GRM7: variants seen among roughly 807,000 people sequenced by gnomAD.
GRM7 encodes glutamate metabotropic receptor 7, also known as metabotropic glutamate receptor 7.
In GRM7, 35 loss-of-function variants were observed where a neutral mutation model predicts 84.5. That is an observed-to-expected ratio of 0.41 (90% CI 0.32 to 0.55). The LOEUF (loss-of-function observed/expected upper bound fraction) is 0.55. Ranked by LOEUF, GRM7 falls within the 20% of genes least tolerant of loss-of-function variation. The probability of loss-of-function intolerance (pLI) is 0.19; values close to 1 mark genes in which losing one functional copy is unlikely to be tolerated. For missense variants in GRM7, 1,003 were observed against 1,194.6 expected (o/e 0.84, Z 2.36); for synonymous variants, 487 against 455.1 (o/e 1.07, Z -0.89).
At chr3:7,229,756 TATA>T (rs1368435742) in intron 2 of GRM7, among the ~76,000 whole-genome samples, 40 of 33,284 alleles carry the variant, frequency 1.2e-3, no homozygotes, top group Admixed American at 2.3e-3. Flanking sequence ...TATATATATA[TATA>T]TTTTTTTTTT....
intron 2 of GRM7, among the ~76,000 whole-genome samples, chr3:7,279,016 T>C (rs569514491): frequency 6.6e-6 from 1 of 152,314 alleles, no homozygotes; most frequent in South Asian, 2.1e-4. Context: ...CTTGAGAATT[T>C]ATGACTCTAA....
intron 5 of GRM7, among the ~76,000 whole-genome samples, chr3:7,434,846 A>G (rs1329559752): frequency 2.0e-5 from 3 of 152,190 alleles, no homozygotes; most frequent in Non-Finnish European, 4.4e-5. Flanking sequence ...CTACTCTCTG[A>G]AAGAGTTCAT....
chr3:7,027,488 T>G (rs1420402628), intron 1 of GRM7, among the ~76,000 whole-genome samples: 1 of 152,226 alleles, frequency 6.6e-6, no homozygotes, highest in African/African-American at 2.4e-5. Flanking sequence ...CTTACTCATT[T>G]ATGTCATTTC....
At chr3:7,499,015 T>C (rs930756660) in intron 7 of GRM7, among the ~76,000 whole-genome samples, 1 of 152,030 alleles carries the variant, frequency 6.6e-6, no homozygotes, top group Non-Finnish European at 1.5e-5. Flanking sequence ...AATTTGGGAG[T>C]TGACTAGGCT....
chr3:6,882,441 G>C (rs1041538384), intron 1 of GRM7, among the ~76,000 whole-genome samples: 1 of 152,138 alleles, frequency 6.6e-6, no homozygotes, highest in African/African-American at 2.4e-5. Context: ...AGCTACTCCA[G>C]AGCCTAAGGC....
intron 8 of GRM7, among the ~76,000 whole-genome samples, chr3:7,639,883 T>G (rs1698283229): frequency 6.6e-6 from 1 of 152,164 alleles, no homozygotes; most frequent in Non-Finnish European, 1.5e-5. Context: ...CAGATAACCA[T>G]TATTCCGATT....
chr3:6,971,590 T>A lies in GRM7; in HGVS notation c.519+109683T>A, dbSNP rs192759037. On this transcript the variant is annotated intron_variant, in intron 1 of 9. Transcript: ENST00000357716. ...AAAGGTGTTCTTTATAGTAAAAGAG[T>A]GTAATATAGCATCATGCATTGCTAA... 3.5e-3 allele frequency among the ~76,000 whole-genome samples: 536 copies of A among 152,304 alleles called. 1 individual carries two copies. Among genetic ancestry groups the A allele is most frequent in the African/African-American group, 0.012 (491 of 41,570 alleles).
At chr3:7,681,465 CTATT>C (rs1700363966) in intron 9 of GRM7, 1 of 152,204 alleles carries the variant, frequency 6.6e-6, no homozygotes, top group Non-Finnish European at 1.5e-5. Flanking sequence ...TGGCCTGTCT[CTATT>C]TATGAATAGT....
chr3:7,001,488 T>C (rs182321614), intron 1 of GRM7, among the ~76,000 whole-genome samples: 1 of 152,354 alleles, frequency 6.6e-6, no homozygotes, highest in Admixed American at 6.5e-5. Context: ...TATTTGTAGA[T>C]CTGTTAAAAC....
At chr3:6,991,463 T>C (rs1436157395) in intron 1 of GRM7, among the ~76,000 whole-genome samples, 3 of 151,954 alleles carry the variant, frequency 2.0e-5, no homozygotes, top group Admixed American at 2.0e-4. Flanking sequence ...GAACATAAGA[T>C]TGTAGAGAGG....
At chr3:7,206,890 T>C (rs979295761) in intron 2 of GRM7, among the ~76,000 whole-genome samples, 9 of 152,102 alleles carry the variant, frequency 5.9e-5, no homozygotes, top group Admixed American at 5.9e-4. Flanking sequence ...CCCCCAGGTG[T>C]TGGGGGATGC....
At chr3:6,986,558 T>A (rs2124844903) in intron 1 of GRM7, among the ~76,000 whole-genome samples, 2 of 152,330 alleles carry the variant, frequency 1.3e-5, no homozygotes, top group East Asian at 3.9e-4. Context: ...GTCTTCTGCC[T>A]CACACCCTCA....
Position 6,957,380 on chromosome 3 carries a change from T to G in GRM7, c.519+95473T>G, listed in dbSNP as rs1693102091. Reference sequence around the variant, plus strand: ...GAAGCCCCGGTGTGATGTGTGGCATTGCTTCATTCCAGAACGAGTGTTCCC... The same window carrying G: ...GAAGCCCCGGTGTGATGTGTGGCATGGCTTCATTCCAGAACGAGTGTTCCC... On this transcript the variant is annotated intron_variant, in intron 1 of 9. Coordinates refer to ENST00000357716, the MANE Select transcript of GRM7 (RefSeq NM_000844.4). Among the ~76,000 whole-genome samples, 3 of 152,206 alleles carry G rather than the reference T, an allele frequency of 2.0e-5. 1 individual carries two copies. In the South Asian group the frequency reaches 6.2e-4, roughly 32 times the overall value.
chr3:7,322,239 G>C (rs1010313881), intron 4 of GRM7, among the ~76,000 whole-genome samples: 1 of 151,754 alleles, frequency 6.6e-6, no homozygotes, highest in African/African-American at 2.4e-5. Context: ...CATCTTGAAA[G>C]TAAGAACTAC....
At chr3:7,363,426 A>G (rs1487644987) in intron 4 of GRM7, among the ~76,000 whole-genome samples, 1 of 152,128 alleles carries the variant, frequency 6.6e-6, no homozygotes, top group African/African-American at 2.4e-5. Context: ...CATTACCAAA[A>G]GAGCAGGTCA....
intron 1 of GRM7, among the ~76,000 whole-genome samples, chr3:7,074,690 TAAAACAAGAACAAAAA>T (rs998216931): frequency 7.2e-5 from 11 of 152,228 alleles, no homozygotes; most frequent in African/African-American, 2.7e-4. Context: ...CTGGAGAATT[TAAAACAAGAACAAAAA>T]TCTGGTGTTT....
intron 5 of GRM7, among the ~76,000 whole-genome samples, chr3:7,446,221 C>T (rs1363717725): frequency 6.6e-6 from 1 of 152,136 alleles, no homozygotes. Context: ...ATCAGACTTT[C>T]CAAAGCAAAT....
chr3:7,223,383 A>G (rs933706018), intron 2 of GRM7, among the ~76,000 whole-genome samples: 1 of 151,920 alleles, frequency 6.6e-6, no homozygotes, highest in African/African-American at 2.4e-5. Flanking sequence ...TCAGTTTCTG[A>G]GGCTACTTTT....
intron 9 of GRM7, among the ~76,000 whole-genome samples, chr3:7,720,715 G>GA (rs1461242099): frequency 6.6e-6 from 1 of 152,174 alleles, no homozygotes; most frequent in East Asian, 1.9e-4. Context: ...AAGATAAAAA[G>GA]AACTGAGCAA....
Sources: allele counts gnomAD v4.1 joint callset (sites outside exome capture counted in the v4.1 genomes callset), GRCh38; gene constraint gnomAD v4.1.1; transcripts MANE v1.5; gene names NCBI Gene and HGNC (gene_info 2026-07-23, HGNC 2026-07-21).